Variants in TMEM176B observed in about 807,000 individuals in gnomAD.
The protein encoded by TMEM176B is transmembrane protein 176B.
Under a neutral mutation model 30.3 loss-of-function variants are expected in TMEM176B, and 28 were observed. The ratio of observed to expected loss-of-function variants is 0.92; its 90% CI spans 0.68 to 1.27. TMEM176B has a LOEUF of 1.27. Among genes scored for constraint, TMEM176B ranks in the 50% most tolerant of loss-of-function variants. The pLI is 0.00. For missense variants in TMEM176B, 349 were observed against 327.4 expected, an observed-to-expected ratio of 1.07 and a Z score of -0.51; for synonymous variants, 123 against 130.3, an observed-to-expected ratio of 0.94 and a Z score of 0.38.
In TMEM176B at chr7:150,791,540, A is replaced by C. The variant is rs753810234; in HGVS notation, c.804T>G (p.Ile268Met). ...SPSREQTSTAIVL is the reference protein window; with the variant it reads ...SPSREQTSTAMVL ...TGGGGTCTTTGGCAGCTCACAGGAC[A>C]ATGGCAGTGGAGGTCTGCTCCCTAG... Residue 268 changes from isoleucine (I) to methionine (M), a missense_variant, in exon 7 of 7, where the codon ATT becomes ATG. Ile to Met is a conservative substitution (Grantham distance 10). Coordinates refer to ENST00000326442, the MANE Select transcript of TMEM176B (RefSeq NM_001101312.2). 6.2e-7 allele frequency: 1 copy of C among 1,613,740 alleles called. No individual in the cohort carries two copies. The highest frequency in any genetic ancestry group is 1.7e-5 in the Admixed American group (1 of 60,014).
At position 150,792,039 on chromosome 7, in the gene TMEM176B, C is replaced by T. The variant is rs2116670336; in HGVS notation, c.720+17G>A. On this transcript the variant is annotated intron_variant, in intron 6 of 6. Coordinates refer to ENST00000326442, the MANE Select transcript of TMEM176B (RefSeq NM_001101312.2). ...CCCAGACTCACGCTGCCCAGAGGCC[C>T]CTCCCCGACAACTCACCAGGGGCTG... is the stretch of plus-strand genomic sequence containing the variant. 4 of 1,613,214 alleles carry T rather than the reference C, an allele frequency of 2.5e-6. No homozygotes were observed. Among genetic ancestry groups the T allele is most frequent in the East Asian group, 4.5e-5 (2 of 44,842 alleles).
chr7:150,794,599 C>T (rs1269788061), intron 2 of TMEM176B, among the ~76,000 whole-genome samples: 3 of 151,932 alleles, frequency 2.0e-5, no homozygotes, highest in Non-Finnish European at 4.4e-5. Context: ...AGGAGGGCCC[C>T]CCAGCCAATG....
chr7:150,793,485 G>A, intron 4 of TMEM176B, 59 bp downstream of exon 4: 1 of 1,592,850 alleles, frequency 6.3e-7, no homozygotes, highest in South Asian at 1.1e-5. Flanking sequence ...GACAGATAAT[G>A]GAGCAGAATT....
At chr7:150,798,938 A>G (rs948895056) in intron 1 of TMEM176B, among the ~76,000 whole-genome samples, 2 of 152,158 alleles carry the variant, frequency 1.3e-5, no homozygotes, top group African/African-American at 4.8e-5. Flanking sequence ...CCTTGCTTGT[A>G]TATTCATACA....
intron 2 of TMEM176B, among the ~76,000 whole-genome samples, chr7:150,794,941 ACACACACC>A (rs754672580): frequency 0.031 from 3,424 of 109,032 alleles, 54 homozygotes; most frequent in Non-Finnish European, 0.049. Context: ...ACACACACAC[ACACACACC>A]TCTCGAATGG....
intron 1 of TMEM176B, 49 bp from the exon 2 acceptor site, chr7:150,796,623 G>T: frequency 6.4e-7 from 1 of 1,568,740 alleles, no homozygotes. Flanking sequence ...CTAGGCGAGG[G>T]AAAAATACAC....
At chr7:150,792,351 A>G (rs540913831) in intron 5 of TMEM176B, among the ~76,000 whole-genome samples, 176 bp from the exon 6 acceptor site, 1 of 152,158 alleles carries the variant, frequency 6.6e-6, no homozygotes, top group Non-Finnish European at 1.5e-5. Context: ...GAGTGAACTT[A>G]TCACTCCCTG....
chr7:150,796,271 TA>T, intron 2 of TMEM176B, 94 bp downstream of exon 2: 1 of 1,267,676 alleles, frequency 7.9e-7, no homozygotes, highest in Non-Finnish European at 1.1e-6. Flanking sequence ...TCCTCCCAAA[TA>T]AAACGTTTTA....
At chr7:150,797,746 A>T (rs552486453) in intron 1 of TMEM176B, among the ~76,000 whole-genome samples, 4 of 152,220 alleles carry the variant, frequency 2.6e-5, no homozygotes, top group African/African-American at 9.6e-5. Context: ...TATGATTCTG[A>T]CAACTTTCAC....
Position 150,796,536 on chromosome 7 carries a change from C to G in TMEM176B, c.34G>C (p.Ala12Pro), listed in dbSNP as rs367566283. ...GGCTGGGATGGCCTAGAGGCCATAG[C>G]AACTCCATTCACAATCACCGTGTTT... is the stretch of plus-strand genomic sequence containing the variant. ...TQNTVIVNGV[A>P]MASRPSQPTH... The change falls in exon 2 of 7, where the codon GCT becomes CCT. Residue 12 changes from alanine to proline, a missense_variant. Physicochemically the swap from Ala to Pro is conservative, Grantham distance 27. Transcript: ENST00000326442. The G allele has an allele frequency of 4.6e-5, 75 of 1,614,038 alleles. No individual in the cohort carries two copies. Among genetic ancestry groups the G allele is most frequent in the Non-Finnish European group, 5.1e-6 (6 of 1,180,046 alleles).
intron 2 of TMEM176B, among the ~76,000 whole-genome samples, chr7:150,795,091 A>G (rs1192532079): frequency 1.3e-5 from 2 of 152,146 alleles, no homozygotes; most frequent in Non-Finnish European, 2.9e-5. Flanking sequence ...TCTGTGAAGG[A>G]CAGGGACTCC....
upstream of TMEM176B, chr7:150,800,371 G>C (rs1798729592): frequency 6.6e-6 from 1 of 152,252 alleles, no homozygotes. Context: ...CGACGGGAGG[G>C]CGGAGACGGC....
chr7:150,791,450 G>T lies in TMEM176B; in HGVS notation c.*81C>A. On this transcript the variant is annotated 3_prime_UTR_variant, in exon 7 of 7. Coordinates refer to ENST00000326442, the MANE Select transcript of TMEM176B (RefSeq NM_001101312.2). ...GGTCTGGAGAGCGGCCATAGGGGAG[G>T]CAAGTGTGAGGAGCCAGGAGTGGGG... 3 of 1,168,858 alleles carry T rather than the reference G, an allele frequency of 2.6e-6. No individual in the cohort carries two copies. Among genetic ancestry groups the T allele is most frequent in the Non-Finnish European group, 2.5e-6 (2 of 800,928 alleles). The allele number at this position is 1,168,858 out of a possible 1,614,324, so 72.4% of individuals were successfully genotyped here. A position where few individuals can be genotyped will look rare whatever the true frequency, so the allele number is the denominator to read the frequency against.
At chr7:150,797,497 T>G (rs1798574370) in intron 1 of TMEM176B, among the ~76,000 whole-genome samples, 1 of 152,198 alleles carries the variant, frequency 6.6e-6, no homozygotes. Flanking sequence ...TGGGGAGACT[T>G]ACATAATCTC....
intron 1 of TMEM176B, among the ~76,000 whole-genome samples, chr7:150,798,992 AC>A (rs1248343521): frequency 6.6e-6 from 1 of 152,118 alleles, no homozygotes; most frequent in East Asian, 1.9e-4. Flanking sequence ...TAGCTCTTAC[AC>A]TTTTAAAGGA....
intron 1 of TMEM176B, among the ~76,000 whole-genome samples, chr7:150,798,570 C>G (rs767317134): frequency 2.0e-5 from 3 of 150,418 alleles, no homozygotes; most frequent in African/African-American, 7.3e-5. Flanking sequence ...CCACCGCGCC[C>G]GGCCAGTTCT....
chr7:150,792,822 T>C (rs948286674), intron 5 of TMEM176B, among the ~76,000 whole-genome samples: 6 of 152,206 alleles, frequency 3.9e-5, no homozygotes, highest in Non-Finnish European at 8.8e-5. Context: ...AAAACTGTGA[T>C]ACCAACACAC....
chr7:150,796,512 G>A lies in TMEM176B; in HGVS notation c.58C>T (p.Pro20Ser). 2 of 1,614,216 alleles carry A rather than the reference G, an allele frequency of 1.2e-6. No homozygotes were observed. The highest frequency in any genetic ancestry group is 1.3e-5 in the African/African-American group (1 of 75,048). Residue 20 changes from proline to serine, a missense_variant, in exon 2 of 7, where the codon CCC (proline) becomes TCC (serine). Pro to Ser is a moderately conservative substitution (Grantham distance 74, BLOSUM62 -1). Coordinates refer to ENST00000326442, the MANE Select transcript of TMEM176B (RefSeq NM_001101312.2). Reference protein sequence around the residue: ...GVAMASRPSQPTHVNVHIHQE... With the variant: ...GVAMASRPSQSTHVNVHIHQE... The stretch of plus-strand genomic sequence containing the variant: ...TGGATGTGGACGTTGACGTGGGTGG[G>A]CTGGGATGGCCTAGAGGCCATAGCA...
At position 150,798,989 on chromosome 7, in the gene TMEM176B, TACA is replaced by T. The variant is rs1192729741; in HGVS notation, c.-6+1306_-6+1308del. Among the ~76,000 whole-genome samples the T allele has an allele frequency of 3.9e-5, 6 of 152,360 alleles. No homozygotes were observed. The South Asian group carries it at 1.2e-3, about 32-fold the overall frequency. On this transcript the variant is annotated intron_variant, in intron 1 of 6. Transcript: ENST00000326442. ...CATTCTATTTATGGTGTCTAGCTCTTACACTTTTAAAGGACTTCCCCGTTTCGA... is the reference window on the plus strand; with the variant it reads ...CATTCTATTTATGGTGTCTAGCTCTTCTTTTAAAGGACTTCCCCGTTTCGA...
Sources: allele counts gnomAD v4.1 joint callset (sites outside exome capture counted in the v4.1 genomes callset), GRCh38; gene constraint gnomAD v4.1.1; transcripts MANE v1.5; gene names NCBI Gene and HGNC (gene_info 2026-07-23, HGNC 2026-07-21).